Variants in CEP112 observed in about 807,000 individuals in gnomAD.
The protein encoded by CEP112 is centrosomal protein 112, also known as centrosomal protein of 112 kDa.
CEP112 carries 127 observed loss-of-function variants against 153.0 expected under a neutral mutation model. The observed-to-expected ratio is 0.83, with a 90% CI of 0.72 to 0.96. The LOEUF (loss-of-function observed/expected upper bound fraction) is 0.96. Ranked by LOEUF, CEP112 falls within the 40% of genes least tolerant of loss-of-function variation. CEP112 has a pLI of 0.00. For synonymous variants in CEP112, 358 were observed against 374.4 expected (o/e 0.96, Z 0.51); for missense variants, 1,089 against 1,101.2 (o/e 0.99, Z 0.16).
intron 12 of CEP112, among the ~76,000 whole-genome samples, chr17:66,048,756 C>T (rs191582369): frequency 1.9e-3 from 282 of 152,030 alleles, no homozygotes; most frequent in African/African-American, 6.7e-3. Context: ...ATTACAGGTA[C>T]GCATCACCAA....
At chr17:65,658,268 T>G (rs1236631487) in intron 24 of CEP112, among the ~76,000 whole-genome samples, 4 of 152,140 alleles carry the variant, frequency 2.6e-5, no homozygotes, top group Admixed American at 2.6e-4. Flanking sequence ...GATCTGGAAA[T>G]ATTGTGATGG....
rs573716772 is a variant in CEP112 at position 66,155,218 on chromosome 17, C to G, written c.470+19826G>C. 3.0e-3 allele frequency among the ~76,000 whole-genome samples: 453 copies of G among 152,282 alleles called. 2 individuals carry two copies. The highest frequency in any genetic ancestry group is 6.2e-3 in the South Asian group (30 of 4,824). ...GCTAATCTCACTGGGACTGGTTAGACAGTGGGTGCAGCCCACAGAGGGCGA... is the reference window on the plus strand; with the variant it reads ...GCTAATCTCACTGGGACTGGTTAGAGAGTGGGTGCAGCCCACAGAGGGCGA... On this transcript the variant is annotated intron_variant, in intron 4 of 26. Coordinates refer to ENST00000535342, the MANE Select transcript of CEP112 (RefSeq NM_001199165.4).
In CEP112 at chr17:65,902,168, T is replaced by C. The variant is rs767166589; in HGVS notation, c.2147A>G (p.Lys716Arg). The part of the protein sequence containing the change: ...MEHENQIQEF[K>R]KRDAQVIADM... ...GATAATTACCTGTGCATCTCGTTTCTTGAACTCCTGAATTTGATTTTCGTG... is the reference window on the plus strand; with the variant it reads ...GATAATTACCTGTGCATCTCGTTTCCTGAACTCCTGAATTTGATTTTCGTG... Residue 716 changes from lysine to arginine, a missense_variant, in exon 20 of 27, where the codon AAG becomes AGG. Physicochemically the swap from Lys to Arg is conservative, Grantham distance 26. Coordinates refer to ENST00000535342, the MANE Select transcript of CEP112 (RefSeq NM_001199165.4). The C allele has an allele frequency of 1.9e-6, 3 of 1,613,300 alleles. No individual in the cohort carries two copies. The highest frequency in any genetic ancestry group is 2.2e-5 in the South Asian group (2 of 90,926).
chr17:66,130,593 C>CAG, intron 5 of CEP112, among the ~76,000 whole-genome samples: 1 of 151,746 alleles, frequency 6.6e-6, no homozygotes, highest in Admixed American at 6.6e-5. Context: ...GGCTAACAGG[C>CAG]TGAAACCCTG....
At chr17:65,732,873 A>C (rs576263452) in intron 23 of CEP112, among the ~76,000 whole-genome samples, 1 of 152,300 alleles carries the variant, frequency 6.6e-6, no homozygotes. Flanking sequence ...CTTCTACTAG[A>C]CTACTACAAT....
rs766872749 is a variant in CEP112 at position 66,063,056 on chromosome 17, T to C, written c.981A>G (p.Gln327=). Residue 327 remains glutamine (Q), a synonymous_variant, in exon 11 of 27, where the codon CAA becomes CAG. Transcript: ENST00000535342. Reference sequence around the variant, plus strand: ...GGTCTTCTTTAGTCTCTCTGATAACTTGACAGTCACGTATCAGTGTCTGAA... The same window carrying C: ...GGTCTTCTTTAGTCTCTCTGATAACCTGACAGTCACGTATCAGTGTCTGAA... ...KKVQTLIRDC[Q]VIRETKEDQI... The C allele has an allele frequency of 1.5e-5, 24 of 1,589,632 alleles. No homozygotes were observed. The highest frequency in any genetic ancestry group is 6.8e-5 in the African/African-American group (5 of 73,996).
At chr17:65,802,802 G>T (rs1012703874) in intron 21 of CEP112, among the ~76,000 whole-genome samples, 3 of 152,164 alleles carry the variant, frequency 2.0e-5, no homozygotes, top group Non-Finnish European at 2.9e-5. Flanking sequence ...TATCTGTGTA[G>T]CAGGATTGTA....
intron 20 of CEP112, chr17:65,873,234 C>A (rs992779911): frequency 3.9e-5 from 6 of 152,220 alleles, no homozygotes; most frequent in African/African-American, 1.2e-4. Context: ...CCTGACTAAA[C>A]CTTTTTGTTA....
At chr17:65,739,479 T>C (rs2050998939) in intron 23 of CEP112, among the ~76,000 whole-genome samples, 1 of 152,194 alleles carries the variant, frequency 6.6e-6, no homozygotes, top group African/African-American at 2.4e-5. Flanking sequence ...CTTATGCCTG[T>C]AATCCCAGCA....
chr17:66,008,644 T>C (rs1310384541), intron 16 of CEP112, among the ~76,000 whole-genome samples: 4 of 152,156 alleles, frequency 2.6e-5, no homozygotes, highest in African/African-American at 7.2e-5. Context: ...CTGACCAGCC[T>C]AAACTAAAAC....
intron 21 of CEP112, among the ~76,000 whole-genome samples, chr17:65,774,746 T>C (rs2053579778): frequency 6.6e-6 from 1 of 152,094 alleles, no homozygotes; most frequent in Non-Finnish European, 1.5e-5. Context: ...GACTGAGGCC[T>C]GAGGTGATGA....
chr17:66,102,265 G>A (rs1237561811), intron 6 of CEP112, among the ~76,000 whole-genome samples: 1 of 152,040 alleles, frequency 6.6e-6, no homozygotes, highest in Non-Finnish European at 1.5e-5. Context: ...AAAAAGAACT[G>A]TAAACACCTG....
intron 17 of CEP112, among the ~76,000 whole-genome samples, chr17:65,963,794 G>A (rs982819134): frequency 1.3e-5 from 2 of 151,954 alleles, no homozygotes; most frequent in Non-Finnish European, 2.9e-5. Flanking sequence ...AGAGCATATC[G>A]TGCATGTTTA....
At chr17:65,963,762 A>T (rs60057769) in intron 17 of CEP112, among the ~76,000 whole-genome samples, 1,699 of 152,106 alleles carry the variant, frequency 0.011, 35 homozygotes, top group African/African-American at 0.039. Flanking sequence ...GCAAACAGGC[A>T]CATTTTTGTT....
At chr17:66,000,586 T>C (rs1027009284) in intron 17 of CEP112, among the ~76,000 whole-genome samples, 1 of 151,988 alleles carries the variant, frequency 6.6e-6, no homozygotes, top group Non-Finnish European at 1.5e-5. Flanking sequence ...ATGGAACTAG[T>C]CTAGCGTCCA....
chr17:65,705,992 T>C (rs1182182945), intron 23 of CEP112, among the ~76,000 whole-genome samples: 1 of 152,202 alleles, frequency 6.6e-6, no homozygotes, highest in East Asian at 1.9e-4. Context: ...CTTTAAAATA[T>C]TTTAGCAAAG....
intron 21 of CEP112, among the ~76,000 whole-genome samples, chr17:65,815,020 T>C (rs2056188430): frequency 6.6e-6 from 1 of 152,140 alleles, no homozygotes; most frequent in Non-Finnish European, 1.5e-5. Context: ...AGAGTAAAAG[T>C]TTTATTTCTG....
In CEP112 at chr17:65,681,141, G is replaced by C. The variant is rs138104451; in HGVS notation, c.2697+7988C>G. ...GGCTCCGGAAAGCAAAGGCCTTACA[G>C]AGTGATTCAATTCAACAAGCGCTGG... On this transcript the variant is annotated intron_variant, in intron 24 of 26. Transcript: ENST00000535342. Among the ~76,000 whole-genome samples the C allele has an allele frequency of 7.9e-4, 121 of 152,344 alleles. 2 individuals carry two copies. In the East Asian group the frequency reaches 9.5e-3, roughly 12 times the overall value.
chr17:65,780,153 TTTC>T (rs1388805071), intron 21 of CEP112, among the ~76,000 whole-genome samples: 1 of 152,134 alleles, frequency 6.6e-6, no homozygotes, highest in Non-Finnish European at 1.5e-5. Context: ...GACAGTTGAT[TTTC>T]TTCTCTCACT....
Sources: allele counts gnomAD v4.1 joint callset (sites outside exome capture counted in the v4.1 genomes callset), GRCh38; gene constraint gnomAD v4.1.1; transcripts MANE v1.5; gene names NCBI Gene and HGNC (gene_info 2026-07-23, HGNC 2026-07-21).